SGCZ: variants seen among roughly 807,000 people sequenced by gnomAD.
SGCZ encodes zeta-sarcoglycan.
Under a neutral mutation model 41.3 loss-of-function variants are expected in SGCZ, and 40 were observed. The observed-to-expected ratio is 0.97, with a 90% CI of 0.75 to 1.26. The LOEUF (loss-of-function observed/expected upper bound fraction) is 1.26, where lower values mean the gene tolerates loss of function less well. Among genes scored for constraint, SGCZ ranks in the 50% most tolerant of loss-of-function variants. SGCZ has a pLI of 0.00. For missense variants in SGCZ, 552 were observed against 369.8 expected, an observed-to-expected ratio of 1.49 and a Z score of -4.04; for synonymous variants, 206 against 137.5, an observed-to-expected ratio of 1.50 and a Z score of -3.49.
At chr8:14,588,743 T>C (rs1054903958) in intron 1 of SGCZ, among the ~76,000 whole-genome samples, 1 of 152,172 alleles carries the variant, frequency 6.6e-6, no homozygotes, top group East Asian at 1.9e-4. Context: ...ACAAGAAATG[T>C]AGTCTGTGTA....
intron 1 of SGCZ, among the ~76,000 whole-genome samples, chr8:14,708,087 C>T (rs1344262684): frequency 1.3e-5 from 2 of 151,768 alleles, no homozygotes; most frequent in Non-Finnish European, 2.9e-5. Flanking sequence ...TTTTTTCTAC[C>T]ATAATTTCAA....
intron 1 of SGCZ, among the ~76,000 whole-genome samples, chr8:14,578,503 T>G (rs1804786483): frequency 6.6e-6 from 1 of 152,232 alleles, no homozygotes; most frequent in African/African-American, 2.4e-5. Flanking sequence ...GTTATTTTTC[T>G]AGAATTTCAA....
At chr8:14,657,934 C>A (rs900437705) in intron 1 of SGCZ, among the ~76,000 whole-genome samples, 4 of 152,086 alleles carry the variant, frequency 2.6e-5, no homozygotes, top group African/African-American at 9.7e-5. Flanking sequence ...TTACTCCTTA[C>A]CTTCTAAGGA....
At chr8:14,665,128 C>A (rs1807867124) in intron 1 of SGCZ, among the ~76,000 whole-genome samples, 2 of 152,180 alleles carry the variant, frequency 1.3e-5, no homozygotes, top group African/African-American at 4.8e-5. Flanking sequence ...CATCATTTAA[C>A]ATTAGGTATA....
chr8:14,092,487 T>C (rs911663240), intron 7 of SGCZ, among the ~76,000 whole-genome samples: 4 of 152,022 alleles, frequency 2.6e-5, no homozygotes, highest in African/African-American at 9.7e-5. Flanking sequence ...AAGTAGCTGA[T>C]ATGGTTTGGC....
chr8:15,176,130 T>C (rs1238221911), intron 1 of SGCZ, among the ~76,000 whole-genome samples: 3 of 152,206 alleles, frequency 2.0e-5, no homozygotes, highest in Non-Finnish European at 4.4e-5. Flanking sequence ...ATTATCTAAT[T>C]AGGTGACAGT....
At chr8:14,706,203 T>C (rs141805561) in intron 1 of SGCZ, among the ~76,000 whole-genome samples, 3 of 152,094 alleles carry the variant, frequency 2.0e-5, no homozygotes, top group East Asian at 3.9e-4. Context: ...AAATGAGTTT[T>C]GAATTAAAAA....
At chr8:14,247,084 C>T (rs1291510341) in intron 3 of SGCZ, among the ~76,000 whole-genome samples, 2 of 152,108 alleles carry the variant, frequency 1.3e-5, no homozygotes, top group African/African-American at 4.8e-5. Flanking sequence ...CACATTTTAA[C>T]TTGAATGTGA....
At chr8:14,552,695 T>G (rs1476584381) in intron 2 of SGCZ, among the ~76,000 whole-genome samples, 1 of 152,024 alleles carries the variant, frequency 6.6e-6, no homozygotes, top group Non-Finnish European at 1.5e-5. Flanking sequence ...AGGACACAGG[T>G]GACTGTGTCA....
chr8:15,034,334 G>C (rs1803792743), intron 1 of SGCZ, among the ~76,000 whole-genome samples: 2 of 151,958 alleles, frequency 1.3e-5, no homozygotes, highest in Admixed American at 6.6e-5. Flanking sequence ...AACAGCAAGA[G>C]AAAGCATCAC....
chr8:14,754,634 A>C (rs1799600829), intron 1 of SGCZ, among the ~76,000 whole-genome samples: 1 of 152,218 alleles, frequency 6.6e-6, no homozygotes, highest in East Asian at 1.9e-4. Flanking sequence ...CATTTCTATA[A>C]TTGCAGAATA....
At chr8:14,197,376 C>G (rs1805299169) in intron 4 of SGCZ, among the ~76,000 whole-genome samples, 1 of 151,724 alleles carries the variant, frequency 6.6e-6, no homozygotes, top group African/African-American at 2.4e-5. Flanking sequence ...GAAGAACATC[C>G]CAAGTCTTCA....
intron 5 of SGCZ, among the ~76,000 whole-genome samples, chr8:14,148,845 A>C (rs556218140): frequency 6.6e-6 from 1 of 152,308 alleles, no homozygotes; most frequent in South Asian, 2.1e-4. Context: ...CATCATGACC[A>C]AGTGGGTTTA....
At chr8:14,673,878 G>A (rs1202061108) in intron 1 of SGCZ, among the ~76,000 whole-genome samples, 2 of 152,058 alleles carry the variant, frequency 1.3e-5, no homozygotes, top group East Asian at 1.9e-4. Context: ...AAAAATGTAT[G>A]ATCTGTGATA....
At chr8:14,209,967 A>G (rs1805746158) in intron 4 of SGCZ, among the ~76,000 whole-genome samples, 1 of 150,500 alleles carries the variant, frequency 6.6e-6, no homozygotes, top group Non-Finnish European at 1.5e-5. Flanking sequence ...TCTATGTGAA[A>G]TGAGTGCTGT....
chr8:14,652,344 AAAG>A lies in SGCZ; in HGVS notation c.40-97421_40-97419del, dbSNP rs1404394790. Among the ~76,000 whole-genome samples the A allele has an allele frequency of 2.3e-3, 17 of 7,464 alleles. 1 individual carries two copies. In the South Asian group the frequency reaches 0.048, roughly 21 times the overall value. 4.9% of individuals were successfully genotyped at this position (7,464 alleles called of 152,430 possible). On this transcript the variant is annotated intron_variant, in intron 1 of 7. Coordinates refer to ENST00000382080, the MANE Select transcript of SGCZ (RefSeq NM_139167.4). ...TGACACAGCAAGACTCAAAAAAAAA[AAAG>A]GGGGGGGTGTGGGGGGGAGAAAACA...
chr8:14,921,062 T>A (rs1184373597), intron 1 of SGCZ, among the ~76,000 whole-genome samples: 2 of 152,184 alleles, frequency 1.3e-5, no homozygotes, highest in African/African-American at 4.8e-5. Context: ...CCTTTTATCT[T>A]CATGAGGGAC....
At position 14,138,209 on chromosome 8, in the gene SGCZ, C is replaced by A. The variant is rs1803260679; in HGVS notation, c.547+26371G>T. Among the ~76,000 whole-genome samples the A allele has an allele frequency of 5.9e-5, 9 of 152,284 alleles. No homozygotes were observed. In the South Asian group the frequency reaches 1.9e-3, roughly 32 times the overall value. On this transcript the variant is annotated intron_variant, in intron 5 of 7. Coordinates refer to ENST00000382080, the MANE Select transcript of SGCZ (RefSeq NM_139167.4). ...TCAACATGGAAAGGAACAACCAGTA[C>A]CAGCCACTACAAAAACATGCCAAAT...
At chr8:14,309,807 T>C in intron 3 of SGCZ, 2 of 1,425,800 alleles carry the variant, frequency 1.4e-6, no homozygotes. Context: ...TACTAAGGTA[T>C]AAGAGAAGTC....
Sources: allele counts gnomAD v4.1 joint callset (sites outside exome capture counted in the v4.1 genomes callset), GRCh38; gene constraint gnomAD v4.1.1; transcripts MANE v1.5; gene names NCBI Gene and HGNC (gene_info 2026-07-23, HGNC 2026-07-21).